Variants in C5 observed in about 807,000 individuals in gnomAD.
The protein encoded by C5 is complement C5.
A neutral mutation model predicts 218.8 loss-of-function variants in C5; 140 were observed. That is an observed-to-expected ratio of 0.64 (90% confidence interval 0.56 to 0.74). C5 has a LOEUF of 0.74. C5 is among the 30% of genes least tolerant of loss of function. The pLI, the probability that C5 is intolerant of heterozygous loss-of-function variation, is 0.00. For missense variants in C5, 1,700 were observed against 1,969.6 expected (o/e 0.86, Z 2.59); for synonymous variants, 614 against 682.3 (o/e 0.90, Z 1.56).
rs2047463511 is a variant in C5 at position 121,030,384 on chromosome 9, C to G, written c.758+13G>C. On this transcript the variant is annotated intron_variant, in intron 7 of 40. Coordinates refer to ENST00000223642, the MANE Select transcript of C5 (RefSeq NM_001735.3). ...AATAAAAATAAAAACAACAAAAAAA[C>G]AAATGTTCTTACCTTGCTTTTATAG... The G allele has an allele frequency of 2.3e-6, 3 of 1,331,222 alleles. No homozygotes were observed. The East Asian group carries it at 7.6e-5, about 34-fold the overall frequency. 82.5% of individuals were successfully genotyped at this position (1,331,222 alleles called of 1,614,324 possible). A position where few individuals can be genotyped will look rare whatever the true frequency, so the allele number is the denominator to read the frequency against.
intron 34 of C5, among the ~76,000 whole-genome samples, chr9:120,963,289 G>C (rs1005322498): frequency 4.6e-5 from 7 of 152,128 alleles, no homozygotes; most frequent in Non-Finnish European, 7.3e-5. Context: ...GGATCACCCT[G>C]ATGTCAGGAG....
intron 22 of C5, 129 bp from the exon 23 acceptor site, chr9:120,991,409 A>T: frequency 1.5e-6 from 1 of 652,560 alleles, no homozygotes; most frequent in Admixed American, 2.6e-5. Context: ...TTAAAATTTT[A>T]AAAGAAAGTT....
chr9:121,071,499 A>G, the C5 span, among the ~76,000 whole-genome samples: 2 of 152,192 alleles, frequency 1.3e-5, no homozygotes, highest in Non-Finnish European at 2.9e-5. Flanking sequence ...AGCCTGGGCA[A>G]CACAGCAAGA....
Position 120,989,693 on chromosome 9 carries a change from G to A in C5, c.3029C>T (p.Ala1010Val), listed in dbSNP as rs34362143. 1,810 of 1,613,786 alleles carry A rather than the reference G, an allele frequency of 1.1e-3. 3 individuals are homozygous for A. Among genetic ancestry groups the A allele is most frequent in the Non-Finnish European group, 1.4e-3 (1,660 of 1,179,816 alleles). Residue 1010 changes from alanine (A) to valine (V), a missense_variant, in exon 24 of 41, where the codon GCG becomes GTG. Physicochemically the swap from Ala to Val is moderately conservative, Grantham distance 64. Transcript: ENST00000223642. ...TACTGGGACAACGCTCATCAGCTCC[G>A]CCTCTGCACTCCCTTTGGGGAGGTG... ...LTHLPKGSAE[A>V]ELMSVVPVFY...
chr9:121,044,133 T>A (rs1015005074), intron 2 of C5, among the ~76,000 whole-genome samples: 5 of 152,198 alleles, frequency 3.3e-5, no homozygotes, highest in African/African-American at 1.2e-4. Flanking sequence ...TGCACCCAGA[T>A]TGCTTTGTAA....
At chr9:121,021,470 A>C (rs2047364329) in intron 11 of C5, 39 bp downstream of exon 11, 1 of 1,521,294 alleles carries the variant, frequency 6.6e-7, no homozygotes, top group Non-Finnish European at 9.1e-7. Context: ...TCAAGAGTAC[A>C]CATTGTCCTA....
intron 40 of C5, 41 bp downstream of exon 40, chr9:120,953,689 T>C: frequency 1.2e-6 from 2 of 1,603,376 alleles, no homozygotes; most frequent in Non-Finnish European, 1.7e-6. Context: ...ATACTCAGTT[T>C]TGGAGGGAAG....
intron 18 of C5, among the ~76,000 whole-genome samples, chr9:121,007,473 A>G (rs1237534401): frequency 1.3e-5 from 2 of 152,248 alleles, no homozygotes; most frequent in Non-Finnish European, 2.9e-5. Flanking sequence ...GCAGTTTACA[A>G]TCTAGTGGAA....
chr9:121,008,629 C>T, intron 17 of C5, 131 bp from the exon 18 acceptor site: 4 of 723,374 alleles, frequency 5.5e-6, no homozygotes, highest in South Asian at 3.1e-5. Context: ...TTGTTTAATG[C>T]TTCCAAAATA....
chr9:121,041,050 T>G (rs148809711), intron 3 of C5, among the ~76,000 whole-genome samples: 41 of 151,022 alleles, frequency 2.7e-4, no homozygotes, highest in Non-Finnish European at 5.0e-4. Flanking sequence ...TTCAAGCAAT[T>G]CTCATGCCTC....
At chr9:120,992,267 T>C (rs761382507) in intron 22 of C5, among the ~76,000 whole-genome samples, 15 of 152,266 alleles carry the variant, frequency 9.9e-5, no homozygotes, top group Non-Finnish European at 1.9e-4. Context: ...TAATCCTTGA[T>C]AAATGCAGAG....
At chr9:120,964,471 G>GCAAA (rs41312891) in intron 33 of C5, among the ~76,000 whole-genome samples, 5 of 152,240 alleles carry the variant, frequency 3.3e-5, no homozygotes, top group South Asian at 2.1e-4. Context: ...CTCTTTAAAA[G>GCAAA]CAAACAAACA....
intron 34 of C5, 122 bp downstream of exon 34, chr9:120,963,514 A>G: frequency 1.2e-6 from 1 of 806,008 alleles, no homozygotes; most frequent in Non-Finnish European, 2.0e-6. Context: ...CAAAAAAAAA[A>G]AAATATTCTG....
chr9:120,961,394 T>A (rs2046826223), intron 37 of C5, 88 bp downstream of exon 37: 6 of 821,126 alleles, frequency 7.3e-6, no homozygotes, highest in Non-Finnish European at 1.3e-5. Flanking sequence ...AAGAACAGTT[T>A]ACCAAACAGT....
At chr9:121,046,858 T>A (rs2047632301) in intron 1 of C5, among the ~76,000 whole-genome samples, 1 of 152,074 alleles carries the variant, frequency 6.6e-6, no homozygotes, top group Non-Finnish European at 1.5e-5. Context: ...AAAGATTAAA[T>A]AAGAACATAT....
chr9:121,050,066 C>T, intron 1 of C5, 116 bp downstream of exon 1: 2 of 854,764 alleles, frequency 2.3e-6, no homozygotes, highest in Non-Finnish European at 2.0e-6. Context: ...ATACTATTCA[C>T]TTGCTGTTCT....
At chr9:121,001,711 CA>C (rs1412571711) in intron 20 of C5, among the ~76,000 whole-genome samples, 2 of 152,046 alleles carry the variant, frequency 1.3e-5, no homozygotes, top group Non-Finnish European at 2.9e-5. Flanking sequence ...TTTATTCCCC[CA>C]AATTATAAGA....
chr9:121,067,597 C>T, the C5 span, among the ~76,000 whole-genome samples: 36 of 151,454 alleles, frequency 2.4e-4, no homozygotes, highest in African/African-American at 8.5e-4. Context: ...GAAAATTCCT[C>T]AACATTTGAA....
In C5 at chr9:120,972,030, C is replaced by A. The variant is rs751752241; in HGVS notation, c.4018-38G>T. The A allele has an allele frequency of 1.9e-6, 3 of 1,548,170 alleles. No individual in the cohort carries two copies. The South Asian group carries it at 3.3e-5, about 17-fold the overall frequency. Reference sequence around the variant, plus strand: ...TAGAGAAACAAACCATGCTTTCTTTCATCATTTGATAGGGAGGGAGGATAG... The same window carrying A: ...TAGAGAAACAAACCATGCTTTCTTTAATCATTTGATAGGGAGGGAGGATAG... On this transcript the variant is annotated intron_variant, in intron 30 of 40. Coordinates refer to ENST00000223642, the MANE Select transcript of C5 (RefSeq NM_001735.3).
Sources: gnomAD v4.1 joint callset for allele counts (sites outside exome capture counted in the v4.1 genomes callset) on GRCh38, gnomAD v4.1.1 for gene constraint, MANE v1.5 for transcripts, NCBI Gene and HGNC (gene_info 2026-07-23, HGNC 2026-07-21) for gene names.